RAP1GDS1: variants seen among roughly 807,000 people sequenced by gnomAD.
The protein encoded by RAP1GDS1 is RAP1, GTP-GDP dissociation stimulator 1.
In RAP1GDS1, 35 loss-of-function variants were observed where a neutral mutation model predicts 71.1. The observed-to-expected ratio is 0.49, with a 90% confidence interval of 0.38 to 0.65. The LOEUF is 0.65. Among genes scored for constraint, RAP1GDS1 ranks in the 30% least tolerant of loss-of-function variants. The pLI is 0.00. For synonymous variants in RAP1GDS1, 229 were observed against 243.1 expected (o/e 0.94, Z 0.54); for missense variants, 663 against 706.1 (o/e 0.94, Z 0.69).
At chr4:98,416,952 C>T in intron 8 of RAP1GDS1, 64 bp downstream of exon 8, 1 of 1,539,860 alleles carries the variant, frequency 6.5e-7, no homozygotes, top group Admixed American at 1.8e-5. Context: ...TTTATTGTCT[C>T]TTCTGTAAAT....
chr4:98,436,476 A>G (rs1751152232), intron 13 of RAP1GDS1, among the ~76,000 whole-genome samples: 1 of 152,168 alleles, frequency 6.6e-6, no homozygotes, highest in Admixed American at 6.5e-5. Context: ...AAATCTTGCT[A>G]GGATTTTGAT....
intron 4 of RAP1GDS1, among the ~76,000 whole-genome samples, chr4:98,360,535 TAAAGTC>T (rs1213490682): frequency 6.6e-6 from 1 of 152,212 alleles, no homozygotes; most frequent in African/African-American, 2.4e-5. Context: ...TTTCACCTGT[TAAAGTC>T]AAAGTTTAGA....
intron 13 of RAP1GDS1, among the ~76,000 whole-genome samples, chr4:98,435,042 G>A (rs1405830100): frequency 6.6e-6 from 1 of 152,202 alleles, no homozygotes; most frequent in Non-Finnish European, 1.5e-5. Flanking sequence ...GCCAGGGATG[G>A]TGTAATAGAG....
chr4:98,267,258 C>A (rs1200451426), intron 1 of RAP1GDS1, among the ~76,000 whole-genome samples: 4 of 151,934 alleles, frequency 2.6e-5, no homozygotes, highest in Non-Finnish European at 5.9e-5. Context: ...GAAGTATTTC[C>A]CTTCATTGTT....
At position 98,416,334 on chromosome 4, in the gene RAP1GDS1, G is replaced by GTTTTTTTTTT. The variant is rs70955932; in HGVS notation, c.764-390_764-381dup. ...ATTATCTAAATCATGCATTTTCTTA[G>GTTTTTTTTTT]TTTTTTTTTTTTTTTTTTTTTTTTT... is the stretch of plus-strand genomic sequence containing the variant. On this transcript the variant is annotated intron_variant, in intron 7 of 14. Coordinates refer to ENST00000408927, the MANE Select transcript of RAP1GDS1 (RefSeq NM_001100427.2). 3.9e-4 allele frequency among the ~76,000 whole-genome samples: 20 copies of GTTTTTTTTTT among 51,570 alleles called. 3 individuals carry two copies. The highest frequency in any genetic ancestry group is 5.3e-4 in the Non-Finnish European group (15 of 28,406). 33.8% of individuals were successfully genotyped at this position (51,570 alleles called of 152,430 possible).
chr4:98,316,910 G>A (rs1731023714), intron 2 of RAP1GDS1, among the ~76,000 whole-genome samples: 1 of 152,118 alleles, frequency 6.6e-6, no homozygotes, highest in South Asian at 2.1e-4. Context: ...CTAGGTCTGA[G>A]GGGGAAATTC....
Position 98,442,378 on chromosome 4 carries a change from G to A in RAP1GDS1, c.*261G>A, listed in dbSNP as rs1578909561. On this transcript the variant is annotated 3_prime_UTR_variant, in exon 15 of 15. Transcript: ENST00000408927. Reference sequence around the variant, plus strand: ...GCTTGAGCTACATTAAGTAGAATGTGCATGTTGTAGTCCTATGATGATGTA... The same window carrying A: ...GCTTGAGCTACATTAAGTAGAATGTACATGTTGTAGTCCTATGATGATGTA... 1 of 364,426 alleles carries A rather than the reference G, an allele frequency of 2.7e-6. No individual in the cohort carries two copies. 22.6% of individuals were successfully genotyped at this position (364,426 alleles called of 1,614,324 possible).
intron 10 of RAP1GDS1, 102 bp downstream of exon 10, chr4:98,418,893 AT>A: frequency 8.5e-7 from 1 of 1,178,862 alleles, no homozygotes; most frequent in Non-Finnish European, 1.1e-6. Flanking sequence ...GATGAAGAAA[AT>A]TTAAAAAAAA....
intron 6 of RAP1GDS1, among the ~76,000 whole-genome samples, chr4:98,394,820 C>T (rs1744276312): frequency 6.6e-6 from 1 of 152,078 alleles, no homozygotes; most frequent in African/African-American, 2.4e-5. Context: ...AATATATTAA[C>T]ATTTCTCCAA....
At chr4:98,403,376 C>A (rs1745698112) in intron 6 of RAP1GDS1, among the ~76,000 whole-genome samples, 2 of 152,014 alleles carry the variant, frequency 1.3e-5, no homozygotes, top group African/African-American at 4.8e-5. Context: ...GATTGACAGA[C>A]CTTGGTGATT....
chr4:98,302,938 T>C (rs1157425283), intron 2 of RAP1GDS1, among the ~76,000 whole-genome samples: 1 of 151,718 alleles, frequency 6.6e-6, no homozygotes, highest in African/African-American at 2.4e-5. Flanking sequence ...CCTAGCTACC[T>C]GGGAGGCTGA....
At chr4:98,325,764 G>T (rs1393727866) in intron 2 of RAP1GDS1, among the ~76,000 whole-genome samples, 1 of 120,396 alleles carries the variant, frequency 8.3e-6, no homozygotes, top group East Asian at 2.9e-4. Context: ...ACACTCTGGG[G>T]ACTGTGGTGG....
intron 2 of RAP1GDS1, among the ~76,000 whole-genome samples, chr4:98,328,227 A>C (rs964720936): frequency 2.6e-5 from 4 of 152,234 alleles, no homozygotes; most frequent in Non-Finnish European, 4.4e-5. Flanking sequence ...CAGTTGATAC[A>C]AAAAGATCTC....
At chr4:98,308,297 C>CACTATATATATATA (rs1239038228) in intron 2 of RAP1GDS1, among the ~76,000 whole-genome samples, 1 of 73,202 alleles carries the variant, frequency 1.4e-5, no homozygotes, top group South Asian at 6.2e-4. Context: ...CACACACACA[C>CACTATATATATATA]TATATATATA....
chr4:98,264,240 A>G (rs1200546206), intron 1 of RAP1GDS1, among the ~76,000 whole-genome samples: 2 of 152,088 alleles, frequency 1.3e-5, no homozygotes, highest in Non-Finnish European at 2.9e-5. Context: ...AAAATACAAA[A>G]AAACAATTAG....
At chr4:98,307,626 TTTG>T in intron 2 of RAP1GDS1, among the ~76,000 whole-genome samples, 1 of 152,300 alleles carries the variant, frequency 6.6e-6, no homozygotes, top group African/African-American at 2.4e-5. Context: ...ATTTTGCATT[TTTG>T]TTGTTGCGTA....
chr4:98,324,135 CAGAG>C (rs1208241595), intron 2 of RAP1GDS1, among the ~76,000 whole-genome samples: 4 of 148,494 alleles, frequency 2.7e-5, no homozygotes, highest in Admixed American at 6.7e-5. Flanking sequence ...AACAGACAAA[CAGAG>C]AGCCAAATCA....
At chr4:98,409,780 A>G in intron 7 of RAP1GDS1, 1 of 439,872 alleles carries the variant, frequency 2.3e-6, no homozygotes, top group South Asian at 1.9e-5. Context: ...TTTTCAAGAT[A>G]AAAGGCTTCT....
intron 4 of RAP1GDS1, among the ~76,000 whole-genome samples, chr4:98,376,217 G>A (rs1316995414): frequency 6.6e-6 from 1 of 152,048 alleles, no homozygotes; most frequent in Non-Finnish European, 1.5e-5. Context: ...AAATTGAGAT[G>A]TAAATTATAT....
Sources: allele counts gnomAD v4.1 joint callset (sites outside exome capture counted in the v4.1 genomes callset), GRCh38; gene constraint gnomAD v4.1.1; transcripts MANE v1.5; gene names NCBI Gene and HGNC (gene_info 2026-07-23, HGNC 2026-07-21).